PIBF1: variants seen among roughly 807,000 people sequenced by gnomAD.
PIBF1 encodes progesterone-induced-blocking factor 1.
A neutral mutation model predicts 112.5 loss-of-function variants in PIBF1; 90 were observed. The observed-to-expected ratio is 0.80, with a 90% CI of 0.67 to 0.95. The LOEUF (loss-of-function observed/expected upper bound fraction) is 0.95. Among genes scored for constraint, PIBF1 ranks in the 40% least tolerant of loss-of-function variants. The pLI is 0.00. For synonymous variants in PIBF1, 301 were observed against 288.6 expected (o/e 1.04, Z -0.44); for missense variants, 915 against 852.3 (o/e 1.07, Z -0.92).
chr13:72,920,849 A>G (rs2041262433), intron 13 of PIBF1, among the ~76,000 whole-genome samples: 1 of 152,190 alleles, frequency 6.6e-6, no homozygotes, highest in Admixed American at 6.5e-5. Context: ...GGCGAATGAT[A>G]AAACAACTCA....
At chr13:72,850,451 T>A (rs1594047836) in intron 9 of PIBF1, among the ~76,000 whole-genome samples, 3 of 152,246 alleles carry the variant, frequency 2.0e-5, no homozygotes, top group Non-Finnish European at 4.4e-5. Flanking sequence ...TCATACCTCC[T>A]TTCACAAGCC....
At chr13:72,835,199 G>T in intron 8 of PIBF1, 44 bp from the exon 9 acceptor site, 2 of 1,472,032 alleles carry the variant, frequency 1.4e-6, no homozygotes, top group Non-Finnish European at 1.8e-6. Flanking sequence ...AAGCCTATTT[G>T]TTTCAAAAGA....
chr13:72,928,016 C>CACACATATACAT (rs1566458475), intron 13 of PIBF1, among the ~76,000 whole-genome samples: 14 of 53,976 alleles, frequency 2.6e-4, no homozygotes, highest in African/African-American at 9.0e-4. Flanking sequence ...CATATATATA[C>CACACATATACAT]ATATATATAC....
At chr13:72,833,606 A>T (rs916109391) in intron 8 of PIBF1, among the ~76,000 whole-genome samples, 1 of 152,132 alleles carries the variant, frequency 6.6e-6, no homozygotes, top group African/African-American at 2.4e-5. Context: ...TTGCTGCCTG[A>T]TCTTTGCTCT....
intron 16 of PIBF1, among the ~76,000 whole-genome samples, chr13:72,985,370 A>C (rs12875749): frequency 8.0e-6 from 1 of 124,752 alleles, no homozygotes; most frequent in African/African-American, 2.8e-5. Flanking sequence ...TACTAAAAAT[A>C]CAAAAAAAAA....
chr13:72,999,293 A>T (rs2043782605), intron 17 of PIBF1, among the ~76,000 whole-genome samples: 3 of 152,208 alleles, frequency 2.0e-5, no homozygotes, highest in South Asian at 4.1e-4. Context: ...AAATAAGAAA[A>T]ATTTGGATTA....
intron 14 of PIBF1, among the ~76,000 whole-genome samples, chr13:72,946,348 C>T (rs1366757883): frequency 6.6e-6 from 1 of 152,182 alleles, no homozygotes; most frequent in African/African-American, 2.4e-5. Flanking sequence ...TTACTTCCCA[C>T]TGGGTCCCTC....
At chr13:72,875,279 G>C (rs1327227421) in intron 10 of PIBF1, among the ~76,000 whole-genome samples, 1 of 152,104 alleles carries the variant, frequency 6.6e-6, no homozygotes, top group African/African-American at 2.4e-5. Context: ...TTGCTGAGGT[G>C]TATCACAGTT....
At chr13:72,966,680 A>G (rs1032489629) in intron 15 of PIBF1, among the ~76,000 whole-genome samples, 16 of 152,122 alleles carry the variant, frequency 1.1e-4, no homozygotes, top group Admixed American at 3.9e-4. Context: ...AGGCTGAGGC[A>G]GGCAGATCAC....
intron 14 of PIBF1, among the ~76,000 whole-genome samples, chr13:72,955,321 T>C (rs2042414200): frequency 6.6e-6 from 1 of 152,126 alleles, no homozygotes; most frequent in African/African-American, 2.4e-5. Context: ...GTATTTGTTA[T>C]TTAAATCATG....
At chr13:72,994,925 C>T (rs1237177853) in intron 16 of PIBF1, among the ~76,000 whole-genome samples, 1 of 152,132 alleles carries the variant, frequency 6.6e-6, no homozygotes, top group Non-Finnish European at 1.5e-5. Flanking sequence ...GTAGCATCAA[C>T]TAGGATAGGA....
chr13:72,904,429 A>ATTTTTTTTTTTT (rs1240090172), intron 11 of PIBF1, among the ~76,000 whole-genome samples: 30 of 51,074 alleles, frequency 5.9e-4, no homozygotes, highest in African/African-American at 1.8e-3. Context: ...ATATCAAAAT[A>ATTTTTTTTTTTT]TTTCTTTTTT....
At chr13:72,973,897 G>T (rs922226482) in intron 16 of PIBF1, 3 of 472,628 alleles carry the variant, frequency 6.3e-6, no homozygotes, top group Admixed American at 8.5e-5. Context: ...ATCTGTCACT[G>T]AATTTCCCCA....
In PIBF1 at chr13:72,908,556, T is replaced by A; in HGVS notation, c.1514T>A (p.Leu505His). The A allele has an allele frequency of 1.2e-6, 2 of 1,612,262 alleles. No individual in the cohort carries two copies. Among genetic ancestry groups the A allele is most frequent in the Non-Finnish European group, 1.7e-6 (2 of 1,178,890 alleles). The change falls in exon 12 of 18, where the codon CTC (leucine) becomes CAC (histidine). Residue 505 changes from leucine (L) to histidine (H), a missense_variant. By Grantham distance (99) the Leu-to-His change is moderately conservative (BLOSUM62 -3). Transcript: ENST00000326291. ...LEVLTKEFYS[L>H]QASSEKRITE... ...GTTTTAACCAAAGAATTTTATAGTCTCCAAGCCTCTTCTGAAAAACGCATT... is the reference window on the plus strand; with the variant it reads ...GTTTTAACCAAAGAATTTTATAGTCACCAAGCCTCTTCTGAAAAACGCATT...
intron 8 of PIBF1, among the ~76,000 whole-genome samples, chr13:72,832,072 CTTTTTTTTTTTTTTTT>C (rs754794968): frequency 9.3e-5 from 4 of 42,864 alleles, no homozygotes; most frequent in Non-Finnish European, 1.1e-4. Flanking sequence ...CAATTCCGGC[CTTTTTTTTTTTTTTTT>C]TTTTTTTTTT....
At chr13:72,957,611 A>C (rs1415928267) in intron 14 of PIBF1, among the ~76,000 whole-genome samples, 3 of 152,062 alleles carry the variant, frequency 2.0e-5, no homozygotes, top group Non-Finnish European at 4.4e-5. Flanking sequence ...AATCACCACT[A>C]AAGATCTTAA....
intron 9 of PIBF1, among the ~76,000 whole-genome samples, chr13:72,853,214 G>C (rs1336392886): frequency 6.6e-6 from 1 of 151,976 alleles, no homozygotes; most frequent in African/African-American, 2.4e-5. Flanking sequence ...TTATCTTCCA[G>C]CTCCCCTTAA....
chr13:72,839,211 A>G (rs1025037516), intron 9 of PIBF1, among the ~76,000 whole-genome samples: 18 of 152,200 alleles, frequency 1.2e-4, no homozygotes, highest in African/African-American at 4.1e-4. Context: ...CTGGATTAGT[A>G]TCAGTAAAGA....
chr13:72,847,545 A>G (rs1355085464), intron 9 of PIBF1, among the ~76,000 whole-genome samples: 1 of 152,220 alleles, frequency 6.6e-6, no homozygotes, highest in African/African-American at 2.4e-5. Flanking sequence ...CCACTTCTTA[A>G]TACTGTTAGA....
Sources: allele counts gnomAD v4.1 joint callset (sites outside exome capture counted in the v4.1 genomes callset), GRCh38; gene constraint gnomAD v4.1.1; transcripts MANE v1.5; gene names NCBI Gene and HGNC (gene_info 2026-07-23, HGNC 2026-07-21).